PPP2R2A: variants seen among roughly 807,000 people sequenced by gnomAD.
PPP2R2A encodes serine/threonine-protein phosphatase 2A 55 kDa regulatory subunit B alpha isoform.
A neutral mutation model predicts 53.2 loss-of-function variants in PPP2R2A; 9 were observed. That is an observed-to-expected ratio of 0.17 (90% CI 0.10 to 0.30). The LOEUF is 0.30. Among genes scored for constraint, PPP2R2A ranks in the 10% least tolerant of loss-of-function variants. The pLI is 1.00. For synonymous variants in PPP2R2A, 169 were observed against 174.2 expected (o/e 0.97, Z 0.23); for missense variants, 235 against 534.6 (o/e 0.44, Z 5.53).
In PPP2R2A at chr8:26,296,831, G is replaced by A. The variant is rs1801563083; in HGVS notation, c.82+3091G>A. ...AGTCATGGATTTATTTACTTGGTAG[G>A]CTTTTTAAAATAAAAATTTAAAACG... On this transcript the variant is annotated intron_variant, in intron 2 of 9. Coordinates refer to ENST00000380737, the MANE Select transcript of PPP2R2A (RefSeq NM_002717.4). 6.6e-5 allele frequency among the ~76,000 whole-genome samples: 10 copies of A among 152,166 alleles called. No homozygotes were observed. In the South Asian group the frequency reaches 1.9e-3, roughly 28 times the overall value.
At position 26,370,769 on chromosome 8, in the gene PPP2R2A, T is replaced by C. The variant is rs1805633082; in HGVS notation, c.*356T>C. 3.6e-6 allele frequency: 1 copy of C among 280,182 alleles called. No individual in the cohort carries two copies. 17.4% of individuals were successfully genotyped at this position (280,182 alleles called of 1,614,324 possible). A position where few individuals can be genotyped will look rare whatever the true frequency, so the allele number is the denominator to read the frequency against. On this transcript the variant is annotated 3_prime_UTR_variant, in exon 10 of 10. Transcript: ENST00000380737. This position sits in a 1 kb window ranked among gnomAD's most constrained non-coding sequence, Gnocchi z 6.1. ...ACAGTGAAAGCCTTCAGTCATGCTA[T>C]GGGATTTAATTGTGTATCCTCATTA...
Position 26,310,662 on chromosome 8 carries a change from T to A in PPP2R2A, c.82+16922T>A, listed in dbSNP as rs571870710. On this transcript the variant is annotated intron_variant, in intron 2 of 9. Transcript: ENST00000380737. Reference sequence around the variant, plus strand: ...TGCTGGGTCGAAAGGTGTGATTTTTTTTTTCCTTTTTTTTTTTTTAATGGC... The same window carrying A: ...TGCTGGGTCGAAAGGTGTGATTTTTATTTTCCTTTTTTTTTTTTTAATGGC... Among the ~76,000 whole-genome samples the A allele has an allele frequency of 8.5e-3, 940 of 110,634 alleles. 10 individuals carry two copies. The highest frequency in any genetic ancestry group is 0.029 in the African/African-American group (885 of 30,754). The allele number at this position is 110,634 out of a possible 152,430, so 72.6% of individuals were successfully genotyped here.
chr8:26,325,921 A>G (rs1803064622), intron 2 of PPP2R2A, among the ~76,000 whole-genome samples: 1 of 152,168 alleles, frequency 6.6e-6, no homozygotes, highest in Non-Finnish European at 1.5e-5. Flanking sequence ...CAGCAGTCTC[A>G]GCCTACTGGG....
rs1389515457 is a variant in PPP2R2A, at chr8:26,352,168, TCTGTATGA to T, written c.181-2294_181-2287del. On this transcript the variant is annotated intron_variant, in intron 3 of 9. Coordinates refer to ENST00000380737, the MANE Select transcript of PPP2R2A (RefSeq NM_002717.4). ...GAATTGTTGAAGGATGTGTCACAAT[TCTGTATGA>T]CTGTAGGAGAGGTTTTTAAAACAAA... 9.8e-5 allele frequency among the ~76,000 whole-genome samples: 15 copies of T among 152,314 alleles called. No homozygotes were observed. The South Asian group carries it at 3.1e-3, about 32-fold the overall frequency.
chr8:26,369,800 C>T (rs1252394819), intron 9 of PPP2R2A, among the ~76,000 whole-genome samples: 1 of 152,156 alleles, frequency 6.6e-6, no homozygotes, highest in Non-Finnish European at 1.5e-5. Context: ...GATAGTTGCT[C>T]CTTTGAGAAG....
intron 8 of PPP2R2A, among the ~76,000 whole-genome samples, chr8:26,364,861 C>G (rs1280392138): frequency 6.6e-6 from 1 of 152,158 alleles, no homozygotes; most frequent in Admixed American, 6.5e-5. Flanking sequence ...GGGATGCAAA[C>G]CCCTCAAATA....
chr8:26,357,703 C>T (rs1804867770), intron 4 of PPP2R2A, among the ~76,000 whole-genome samples: 1 of 152,006 alleles, frequency 6.6e-6, no homozygotes, highest in Non-Finnish European at 1.5e-5. Context: ...AAGCTGCATT[C>T]CCACAAAGGA....
At chr8:26,359,834 G>A (rs535377045) in intron 4 of PPP2R2A, among the ~76,000 whole-genome samples, 3 of 152,200 alleles carry the variant, frequency 2.0e-5, no homozygotes, top group South Asian at 2.1e-4. Context: ...ATGTTTACAT[G>A]TAGGTACAGA....
chr8:26,291,924 C>A, intron 1 of PPP2R2A, 98 bp downstream of exon 1: 2 of 1,499,774 alleles, frequency 1.3e-6, no homozygotes, highest in Admixed American at 1.9e-5. Context: ...CGCAGAGCCA[C>A]AGGGCGCCCC....
chr8:26,343,137 G>A (rs969725297), intron 3 of PPP2R2A, among the ~76,000 whole-genome samples: 1 of 151,928 alleles, frequency 6.6e-6, no homozygotes, highest in African/African-American at 2.4e-5. Context: ...TGGTGCCTTT[G>A]CACTCCAGCC....
intron 4 of PPP2R2A, among the ~76,000 whole-genome samples, chr8:26,359,278 A>C (rs923646623): frequency 2.0e-5 from 3 of 152,210 alleles, no homozygotes; most frequent in African/African-American, 7.2e-5. Context: ...GACTAAATGC[A>C]GTGTTGTTTG....
chr8:26,335,464 T>G (rs961188246), intron 2 of PPP2R2A, among the ~76,000 whole-genome samples: 2 of 152,232 alleles, frequency 1.3e-5, no homozygotes, highest in East Asian at 1.9e-4. Flanking sequence ...GAAATATGAT[T>G]ACATTAAATA....
intron 2 of PPP2R2A, among the ~76,000 whole-genome samples, chr8:26,297,667 A>G (rs1414715481): frequency 2.6e-5 from 4 of 152,190 alleles, no homozygotes; most frequent in Non-Finnish European, 5.9e-5. Flanking sequence ...CTATAAAATG[A>G]GGATAACAAT....
chr8:26,339,776 G>A (rs1161337078), intron 3 of PPP2R2A: 2 of 151,956 alleles, frequency 1.3e-5, no homozygotes, highest in Non-Finnish European at 2.9e-5. Context: ...AAAGTAATGT[G>A]GATAAATTGC....
At chr8:26,361,851 CATGGGA>C (rs1805102836) in intron 6 of PPP2R2A, among the ~76,000 whole-genome samples, 1 of 151,438 alleles carries the variant, frequency 6.6e-6, no homozygotes, top group African/African-American at 2.4e-5. Flanking sequence ...ATCTAAGCTA[CATGGGA>C]GGCTGAGTTA....
At chr8:26,367,578 A>G (rs1016471258) in intron 9 of PPP2R2A, among the ~76,000 whole-genome samples, 8 of 152,186 alleles carry the variant, frequency 5.3e-5, no homozygotes, top group Non-Finnish European at 1.0e-4. Context: ...CACGTGTTCT[A>G]TTCTCTGTTT....
intron 6 of PPP2R2A, among the ~76,000 whole-genome samples, chr8:26,361,907 G>A (rs571811100): frequency 6.6e-6 from 1 of 151,446 alleles, no homozygotes; most frequent in African/African-American, 2.4e-5. Context: ...GTTGCAGTGA[G>A]CTGAGATTGT....
At chr8:26,330,959 G>A (rs1384712877) in intron 2 of PPP2R2A, among the ~76,000 whole-genome samples, 1 of 152,192 alleles carries the variant, frequency 6.6e-6, no homozygotes, top group Non-Finnish European at 1.5e-5. Context: ...TTACTAAGGT[G>A]TGACACTCTT....
At chr8:26,308,797 A>G (rs532118037) in intron 2 of PPP2R2A, among the ~76,000 whole-genome samples, 1 of 152,114 alleles carries the variant, frequency 6.6e-6, no homozygotes, top group Non-Finnish European at 1.5e-5. Context: ...GGAGGTTTTC[A>G]GTTGACTTTG....
Sources: gnomAD v4.1 joint callset for allele counts (sites outside exome capture counted in the v4.1 genomes callset) on GRCh38, gnomAD v4.1.1 for gene constraint, Gnocchi (gnomAD v3.1) non-coding constraint, MANE v1.5 for transcripts, NCBI Gene and HGNC (gene_info 2026-07-23, HGNC 2026-07-21) for gene names.